COL19A1: variants seen among roughly 807,000 people sequenced by gnomAD.
The protein encoded by COL19A1 is collagen type XIX alpha 1 chain.
A neutral mutation model predicts 190.2 loss-of-function variants in COL19A1; 159 were observed. The ratio of observed to expected loss-of-function variants is 0.84; its 90% CI spans 0.73 to 0.95. The LOEUF (loss-of-function observed/expected upper bound fraction) is 0.95. COL19A1 is among the 40% of genes least tolerant of loss of function. The pLI is 0.00. For missense variants in COL19A1, 1,418 were observed against 1,431.9 expected, an observed-to-expected ratio of 0.99 and a Z score of 0.16; for synonymous variants, 509 against 458.9, an observed-to-expected ratio of 1.11 and a Z score of -1.39.
chr6:69,922,457 C>G (rs1278909832), intron 4 of COL19A1, among the ~76,000 whole-genome samples: 1 of 146,254 alleles, frequency 6.8e-6, no homozygotes, highest in Admixed American at 6.9e-5. Flanking sequence ...TATAAATTAT[C>G]GAAAAATAAT....
intron 49 of COL19A1, among the ~76,000 whole-genome samples, chr6:70,203,597 C>T (rs1282891915): frequency 6.6e-6 from 1 of 151,916 alleles, no homozygotes; most frequent in Admixed American, 6.6e-5. Flanking sequence ...ACAACTATCC[C>T]TCCTAAAATG....
chr6:70,075,751 C>T (rs1781845285), intron 15 of COL19A1, among the ~76,000 whole-genome samples: 2 of 150,208 alleles, frequency 1.3e-5, no homozygotes, highest in Non-Finnish European at 3.0e-5. Context: ...ATAGAAGAGA[C>T]AAAACGCCCT....
At chr6:70,200,609 A>C (rs190326724) in intron 49 of COL19A1, among the ~76,000 whole-genome samples, 1 of 152,336 alleles carries the variant, frequency 6.6e-6, no homozygotes, top group Admixed American at 6.5e-5. Context: ...TTAACACTAA[A>C]ATTAAATAAG....
chr6:70,008,224 A>G (rs1777754627), intron 11 of COL19A1, among the ~76,000 whole-genome samples: 1 of 151,908 alleles, frequency 6.6e-6, no homozygotes, highest in Non-Finnish European at 1.5e-5. Context: ...AACTAGAAGA[A>G]CAATACAGAA....
chr6:70,195,136 GATATATATATATATAT>G (rs202055762), intron 48 of COL19A1, among the ~76,000 whole-genome samples: 1 of 136,030 alleles, frequency 7.4e-6, no homozygotes, highest in Non-Finnish European at 1.6e-5. Context: ...CATCATTGAT[GATATATATATATATAT>G]ATATATATAT....
intron 4 of COL19A1, among the ~76,000 whole-genome samples, chr6:69,915,943 T>A (rs1771269453): frequency 6.7e-6 from 1 of 148,436 alleles, no homozygotes; most frequent in South Asian, 2.2e-4. Context: ...TCTTTTTTTT[T>A]TTTTTTTTTT....
At chr6:70,111,352 A>G (rs922433364) in intron 16 of COL19A1, among the ~76,000 whole-genome samples, 2 of 152,176 alleles carry the variant, frequency 1.3e-5, no homozygotes, top group Non-Finnish European at 1.5e-5. Context: ...TGTCTAGGGG[A>G]CCTAAAACAT....
chr6:70,127,219 T>C (rs926471137), intron 17 of COL19A1, among the ~76,000 whole-genome samples: 1 of 151,996 alleles, frequency 6.6e-6, no homozygotes, highest in African/African-American at 2.4e-5. Flanking sequence ...GGAAGAAGAG[T>C]GACCAACATG....
rs7770876 is a variant in COL19A1, at chr6:70,093,726, G to C, written c.1225-8443G>C. ...ATCGGGATACTCACATCAAGGAAAC[G>C]TTAATCCTGTTTTAATGTTTTAATG... is the stretch of plus-strand genomic sequence containing the variant. On this transcript the variant is annotated intron_variant, in intron 15 of 50. Coordinates refer to ENST00000620364, the MANE Select transcript of COL19A1 (RefSeq NM_001858.6). Among the ~76,000 whole-genome samples the C allele has an allele frequency of 3.9e-5, 6 of 152,214 alleles. No homozygotes were observed. The East Asian group carries it at 7.7e-4, about 20-fold the overall frequency.
At chr6:69,913,904 T>C (rs1193067629) in intron 4 of COL19A1, among the ~76,000 whole-genome samples, 1 of 151,814 alleles carries the variant, frequency 6.6e-6, no homozygotes, top group Non-Finnish European at 1.5e-5. Context: ...GACCCAAGGA[T>C]ACTTCAGAAT....
chr6:70,130,121 T>G, intron 17 of COL19A1, 61 bp from the exon 18 acceptor site: 2 of 1,571,686 alleles, frequency 1.3e-6, no homozygotes, highest in Non-Finnish European at 1.7e-6. Flanking sequence ...CTGTTACAGA[T>G]TGAATGTGTT....
intron 37 of COL19A1, among the ~76,000 whole-genome samples, chr6:70,166,508 G>T (rs1490381352): frequency 6.6e-6 from 1 of 152,236 alleles, no homozygotes; most frequent in Non-Finnish European, 1.5e-5. Flanking sequence ...CTCCGTCAGG[G>T]AAACGGTGGA....
chr6:69,891,177 G>C (rs1033592051), intron 2 of COL19A1: 1 of 154,092 alleles, frequency 6.5e-6, no homozygotes, highest in African/African-American at 2.5e-5. Flanking sequence ...TTTGCACAGG[G>C]AGAGGGAGGC....
intron 4 of COL19A1, among the ~76,000 whole-genome samples, chr6:69,905,783 T>A (rs1297426720): frequency 6.6e-6 from 1 of 152,194 alleles, no homozygotes; most frequent in Non-Finnish European, 1.5e-5. Context: ...TTTGAGGGGC[T>A]TTATGTGTTT....
intron 11 of COL19A1, among the ~76,000 whole-genome samples, chr6:69,985,649 A>T (rs980492076): frequency 3.3e-5 from 5 of 152,222 alleles, no homozygotes; most frequent in African/African-American, 1.2e-4. Context: ...AACGTTTTCA[A>T]AAATTCCTTA....
intron 15 of COL19A1, 121 bp downstream of exon 15, chr6:70,068,597 C>A: frequency 1.7e-6 from 1 of 579,126 alleles, no homozygotes; most frequent in Non-Finnish European, 3.1e-6. Flanking sequence ...TATCAATTAT[C>A]CAAAGGCTGA....
At chr6:69,916,031 G>C (rs2149992599) in intron 4 of COL19A1, among the ~76,000 whole-genome samples, 1 of 150,492 alleles carries the variant, frequency 6.6e-6, no homozygotes, top group South Asian at 2.1e-4. Flanking sequence ...CTGCCTCCCA[G>C]GTTCACGCCA....
chr6:70,172,910 A>C (rs1302673528), intron 41 of COL19A1, among the ~76,000 whole-genome samples: 1 of 152,208 alleles, frequency 6.6e-6, no homozygotes, highest in Non-Finnish European at 1.5e-5. Flanking sequence ...TCCAGGTGCC[A>C]GGTGATGCTG....
Position 70,102,222 on chromosome 6 carries a change from T to C in COL19A1, c.1278T>C (p.Pro426=). The change falls in exon 16 of 51, where the codon CCT becomes CCC. Residue 426 remains proline, a splice_region_variant and synonymous_variant. Coordinates refer to ENST00000620364, the MANE Select transcript of COL19A1 (RefSeq NM_001858.6). ...PPGKPGPPGP[P]GPPGIQGIHQ... is the part of the protein sequence containing the mutation. ...GAAAACCAGGACCCCCAGGACCACC[T>C]GTGAGTAAACAATACAATGACTGTC... The C allele has an allele frequency of 6.2e-7, 1 of 1,608,750 alleles. No individual in the cohort carries two copies. The highest frequency in any genetic ancestry group is 1.1e-5 in the South Asian group (1 of 90,962).
Sources: gnomAD v4.1 joint callset for allele counts (sites outside exome capture counted in the v4.1 genomes callset) on GRCh38, gnomAD v4.1.1 for gene constraint, MANE v1.5 for transcripts, NCBI Gene and HGNC (gene_info 2026-07-23, HGNC 2026-07-21) for gene names.